THBS4: variants seen among roughly 807,000 people sequenced by gnomAD.
The protein encoded by THBS4 is thrombospondin 4, also known as thrombospondin-4.
In THBS4, 90 loss-of-function variants were observed where a neutral mutation model predicts 115.7. The ratio of observed to expected loss-of-function variants is 0.78; its 90% CI spans 0.66 to 0.93. The LOEUF (loss-of-function observed/expected upper bound fraction) is 0.93. Ranked by LOEUF, THBS4 falls within the 40% of genes least tolerant of loss-of-function variation. THBS4 has a pLI of 0.00. For synonymous variants in THBS4, 460 were observed against 479.3 expected (o/e 0.96, Z 0.53); for missense variants, 1,087 against 1,232.7 (o/e 0.88, Z 1.77).
chr5:80,030,172 C>A (rs369477511), intron 2 of THBS4, among the ~76,000 whole-genome samples: 2 of 151,926 alleles, frequency 1.3e-5, no homozygotes, highest in African/African-American at 4.8e-5. Context: ...TGTCATCACA[C>A]GGTAGAATGT....
At chr5:80,036,312 C>A in intron 1 of THBS4, 1 of 579,634 alleles carries the variant, frequency 1.7e-6, no homozygotes, top group Non-Finnish European at 2.2e-6. Context: ...TTCTCACAAG[C>A]GGGAGCTAAG....
intron 2 of THBS4, chr5:80,052,972 T>C (rs989537559): frequency 6.6e-6 from 1 of 152,200 alleles, no homozygotes; most frequent in African/African-American, 2.4e-5. Flanking sequence ...TCTGGGTGTA[T>C]ATGTGTAATA....
intron 17 of THBS4, 55 bp downstream of exon 17, chr5:80,078,282 C>T: frequency 7.0e-7 from 1 of 1,430,484 alleles, no homozygotes; most frequent in Non-Finnish European, 9.4e-7. Context: ...AGAGGCCCTT[C>T]TGATAGTGGT....
chr5:80,065,608 C>A, intron 9 of THBS4, 131 bp downstream of exon 9: 2 of 713,324 alleles, frequency 2.8e-6, no homozygotes, highest in Non-Finnish European at 4.3e-6. Flanking sequence ...AGAATAAAGG[C>A]AAAAGTTTGT....
intron 2 of THBS4, among the ~76,000 whole-genome samples, chr5:80,005,682 C>T (rs1260601796): frequency 2.0e-5 from 3 of 151,532 alleles, no homozygotes; most frequent in African/African-American, 7.3e-5. Context: ...TGGCAGAGCA[C>T]TGTGAGACTC....
chr5:80,040,813 A>G (rs1197204083), intron 2 of THBS4, among the ~76,000 whole-genome samples: 1 of 152,206 alleles, frequency 6.6e-6, no homozygotes, highest in East Asian at 1.9e-4. Context: ...GTTCAAGGGC[A>G]TGGCCCTGGC....
chr5:80,027,123 A>T (rs1004877210), intron 2 of THBS4, among the ~76,000 whole-genome samples: 10 of 152,218 alleles, frequency 6.6e-5, no homozygotes, highest in African/African-American at 2.2e-4. Flanking sequence ...TTCCTGGTAG[A>T]GTCCACCTCT....
Position 80,079,147 on chromosome 5 carries a change from T to C in THBS4, c.2400T>C (p.Phe800=). Residue 800 remains phenylalanine (F), a synonymous_variant, in exon 19 of 22, where the codon TTT becomes TTC. Transcript: ENST00000350881. ...ATGATGACTATGCAGGCTTTATCTT[T>C]GGCTACCAAGATAGCTCCAGCTTCT... is the stretch of plus-strand genomic sequence containing the variant. ...QTDDDYAGFI[F]GYQDSSSFYV... 6.2e-7 allele frequency: 1 copy of C among 1,614,210 alleles called. No homozygotes were observed. The highest frequency in any genetic ancestry group is 8.5e-7 in the Non-Finnish European group (1 of 1,180,030).
intron 2 of THBS4, among the ~76,000 whole-genome samples, chr5:80,041,623 G>A (rs767980698): frequency 1.3e-5 from 2 of 152,140 alleles, no homozygotes; most frequent in Non-Finnish European, 2.9e-5. Context: ...TCCCTCTGCT[G>A]TCATTTGTTT....
rs182483152 is a variant in THBS4 at position 80,006,889 on chromosome 5, A to G, written n.177+8462A>G. 1.2e-4 allele frequency among the ~76,000 whole-genome samples: 18 copies of G among 152,342 alleles called. No homozygotes were observed. The East Asian group carries it at 2.9e-3, about 24-fold the overall frequency. ...ACACTTATACCCCATATATTTATACAAATAAAAAGGAATTTTAAAAAAGAA... is the reference window on the plus strand; with the variant it reads ...ACACTTATACCCCATATATTTATACGAATAAAAAGGAATTTTAAAAAAGAA... On this transcript the variant is annotated intron_variant and non_coding_transcript_variant, in intron 2 of 3. Coordinates refer to the THBS4 transcript ENST00000510218.
chr5:80,082,532 G>A lies in THBS4; in HGVS notation c.2811G>A (p.Lys937=), dbSNP rs1373333792. The A allele has an allele frequency of 6.2e-7, 1 of 1,614,068 alleles. No individual in the cohort carries two copies. Among genetic ancestry groups the A allele is most frequent in the Non-Finnish European group, 8.5e-7 (1 of 1,180,052 alleles). Residue 937 remains lysine (K), a synonymous_variant, in exon 21 of 22, where the codon AAG becomes AAA. Coordinates refer to ENST00000350881, the MANE Select transcript of THBS4 (RefSeq NM_003248.6). ...SQENIIWSNL[K]YRCNDTIPED... Reference sequence around the variant, plus strand: ...AAAACATCATCTGGTCCAACCTCAAGTATCGCTGCAATGGTAATGTGCATT... The same window carrying A: ...AAAACATCATCTGGTCCAACCTCAAATATCGCTGCAATGGTAATGTGCATT...
chr5:80,022,090 C>T (rs1271906644), intron 2 of THBS4, among the ~76,000 whole-genome samples: 1 of 152,110 alleles, frequency 6.6e-6, no homozygotes, highest in Non-Finnish European at 1.5e-5. Context: ...CCTAGGATGT[C>T]TTTTTCTTAA....
rs777519699 is a variant in THBS4 at position 80,083,093 on chromosome 5, G to C, written c.2838G>C (p.Glu946Asp). 6.2e-7 allele frequency: 1 copy of C among 1,613,902 alleles called. No individual in the cohort carries two copies. The highest frequency in any genetic ancestry group is 1.1e-5 in the South Asian group (1 of 91,082). ...TTCCTATTGCAGACACCATCCCTGA[G>C]GACTTCCAAGAGTTTCAAACCCAGA... ...LKYRCNDTIP[E>D]DFQEFQTQNF... Residue 946 changes from glutamate (E) to aspartate (D), a missense_variant, in exon 22 of 22, where the codon GAG becomes GAC. Physicochemically the swap from Glu to Asp is conservative, Grantham distance 45. Coordinates refer to ENST00000350881, the MANE Select transcript of THBS4 (RefSeq NM_003248.6).
intron 16 of THBS4, 115 bp downstream of exon 16, chr5:80,077,163 G>C: frequency 2.0e-6 from 2 of 1,001,846 alleles, no homozygotes; most frequent in South Asian, 3.8e-5. Flanking sequence ...CCCATCAGCT[G>C]CTTCTCTACA....
intron 2 of THBS4, chr5:80,052,910 A>T (rs1417129178): frequency 6.6e-6 from 1 of 152,220 alleles, no homozygotes; most frequent in Non-Finnish European, 1.5e-5. Context: ...ACCTGAGGAG[A>T]AAGATGGTCC....
chr5:80,038,000 GA>G (rs1015764513), intron 1 of THBS4, among the ~76,000 whole-genome samples: 31 of 152,114 alleles, frequency 2.0e-4, no homozygotes, highest in African/African-American at 7.0e-4. Flanking sequence ...TGGTACATGT[GA>G]AAAATACAGT....
At position 80,078,030 on chromosome 5, in the gene THBS4, C is replaced by T; in HGVS notation, c.2087-19C>T. ...GTGTGAGCGCTATTGAGCTCCTGTC[C>T]TTTCTCCACCCCACTCAGGCGACGG... On this transcript the variant is annotated intron_variant, in intron 16 of 21. Coordinates refer to ENST00000350881, the MANE Select transcript of THBS4 (RefSeq NM_003248.6). 6.4e-7 allele frequency: 1 copy of T among 1,552,122 alleles called. No individual in the cohort carries two copies. Among genetic ancestry groups the T allele is most frequent in the Non-Finnish European group, 8.8e-7 (1 of 1,139,436 alleles).
intron 1 of THBS4, among the ~76,000 whole-genome samples, chr5:80,036,523 AAAAG>A (rs1302811509): frequency 6.6e-6 from 1 of 152,236 alleles, no homozygotes; most frequent in African/African-American, 2.4e-5. Context: ...TTAAAAAGAA[AAAAG>A]AAAGAAATTG....
At chr5:80,045,617 G>A (rs1317999797) in intron 2 of THBS4, among the ~76,000 whole-genome samples, 4 of 146,430 alleles carry the variant, frequency 2.7e-5, no homozygotes, top group Non-Finnish European at 6.0e-5. Context: ...TGCAACCTCC[G>A]CCTCCCGGGT....
Sources: allele counts gnomAD v4.1 joint callset (sites outside exome capture counted in the v4.1 genomes callset), GRCh38; gene constraint gnomAD v4.1.1; transcripts MANE v1.5; gene names NCBI Gene and HGNC (gene_info 2026-07-23, HGNC 2026-07-21).